The following SGCZ variants were observed in gnomAD, a reference collection of about 807,000 sequenced individuals.
The protein encoded by SGCZ is sarcoglycan zeta.
SGCZ carries 40 observed loss-of-function variants against 41.3 expected under a neutral mutation model. The ratio of observed to expected loss-of-function variants is 0.97; its 90% CI spans 0.75 to 1.26. The LOEUF is 1.26. SGCZ is among the 50% of genes most tolerant of loss of function. The probability of loss-of-function intolerance (pLI) is 0.00; values close to 1 mark genes in which losing one functional copy is unlikely to be tolerated. For missense variants in SGCZ, 552 were observed against 369.8 expected (o/e 1.49, Z -4.04); for synonymous variants, 206 against 137.5 (o/e 1.50, Z -3.49).
intron 1 of SGCZ, among the ~76,000 whole-genome samples, chr8:14,885,351 T>C (rs961807730): frequency 2.0e-5 from 3 of 152,198 alleles, no homozygotes; most frequent in Admixed American, 6.5e-5. Context: ...ATTATCTACC[T>C]ATTTGTTATG....
At chr8:15,080,798 T>C (rs1263289481) in intron 1 of SGCZ, among the ~76,000 whole-genome samples, 2 of 152,110 alleles carry the variant, frequency 1.3e-5, no homozygotes, top group Non-Finnish European at 2.9e-5. Context: ...TTCACCATGT[T>C]GGCCAGGCTG....
At chr8:15,118,245 T>G (rs1159134297) in intron 1 of SGCZ, among the ~76,000 whole-genome samples, 3 of 152,228 alleles carry the variant, frequency 2.0e-5, no homozygotes, top group African/African-American at 7.2e-5. Flanking sequence ...CTTGGAGATT[T>G]CCTATATTTC....
intron 1 of SGCZ, among the ~76,000 whole-genome samples, chr8:14,918,592 G>A (rs559294931): frequency 6.6e-5 from 10 of 152,258 alleles, no homozygotes; most frequent in African/African-American, 2.2e-4. Flanking sequence ...GCCAATCAAT[G>A]AGAGTAATTC....
chr8:14,332,324 C>A (rs2117054121), intron 2 of SGCZ, among the ~76,000 whole-genome samples: 1 of 151,980 alleles, frequency 6.6e-6, no homozygotes, highest in African/African-American at 2.4e-5. Context: ...GCCTGTAGTC[C>A]CAGCTACTCA....
intron 2 of SGCZ, among the ~76,000 whole-genome samples, chr8:14,372,046 A>C (rs1380510333): frequency 6.6e-6 from 1 of 152,108 alleles, no homozygotes; most frequent in Non-Finnish European, 1.5e-5. Flanking sequence ...ATCAATATGG[A>C]CTAGAATAAA....
chr8:14,381,252 T>C (rs1286074572), intron 2 of SGCZ, among the ~76,000 whole-genome samples: 1 of 152,222 alleles, frequency 6.6e-6, no homozygotes, highest in East Asian at 1.9e-4. Context: ...CAAAGACATA[T>C]ATAATTCAAT....
chr8:14,330,133 T>C (rs200746270), intron 2 of SGCZ, among the ~76,000 whole-genome samples: 1 of 152,192 alleles, frequency 6.6e-6, no homozygotes, highest in Non-Finnish European at 1.5e-5. Flanking sequence ...GTATTTCTTA[T>C]AAAATGTATC....
intron 3 of SGCZ, among the ~76,000 whole-genome samples, chr8:14,283,510 T>C (rs142803279): frequency 1.8e-3 from 268 of 152,366 alleles, no homozygotes; most frequent in African/African-American, 6.1e-3. Context: ...TCTTTTCATA[T>C]ATATATAAAT....
At chr8:15,009,076 A>G (rs1802726807) in intron 1 of SGCZ, among the ~76,000 whole-genome samples, 1 of 152,166 alleles carries the variant, frequency 6.6e-6, no homozygotes, top group Admixed American at 6.5e-5. Context: ...ATTTATCTGA[A>G]TCACAGTATA....
intron 1 of SGCZ, among the ~76,000 whole-genome samples, chr8:14,919,256 T>C (rs1212828039): frequency 6.6e-6 from 1 of 151,864 alleles, no homozygotes; most frequent in African/African-American, 2.4e-5. Flanking sequence ...CTGGGTAACA[T>C]GGTGAAATCC....
chr8:14,349,993 T>C (rs1179373488), intron 2 of SGCZ, among the ~76,000 whole-genome samples: 1 of 152,150 alleles, frequency 6.6e-6, no homozygotes. Context: ...AATTAAATCC[T>C]TTATGGCATA....
chr8:14,271,418 C>T (rs1800054593), intron 3 of SGCZ, among the ~76,000 whole-genome samples: 1 of 152,088 alleles, frequency 6.6e-6, no homozygotes, highest in South Asian at 2.1e-4. Flanking sequence ...TCCATGAAGA[C>T]TTGTAGATAG....
intron 1 of SGCZ, among the ~76,000 whole-genome samples, chr8:14,895,010 G>T (rs1805141796): frequency 6.6e-6 from 1 of 152,088 alleles, no homozygotes; most frequent in South Asian, 2.1e-4. Context: ...AAGTTTGGGG[G>T]TCCAGGGTAA....
chr8:15,215,741 C>T (rs937260492), intron 1 of SGCZ, among the ~76,000 whole-genome samples: 2 of 152,148 alleles, frequency 1.3e-5, no homozygotes, highest in African/African-American at 4.8e-5. Flanking sequence ...TTAAAGAGCT[C>T]TGGAATAGTA....
chr8:14,494,834 C>A (rs1801945074), intron 2 of SGCZ, among the ~76,000 whole-genome samples: 1 of 152,048 alleles, frequency 6.6e-6, no homozygotes, highest in Non-Finnish European at 1.5e-5. Context: ...TAGACATAAA[C>A]CTTACTATTT....
chr8:14,253,283 G>A (rs1331032493), intron 3 of SGCZ, among the ~76,000 whole-genome samples: 1 of 147,004 alleles, frequency 6.8e-6, no homozygotes, highest in Non-Finnish European at 1.5e-5. Flanking sequence ...TATCAGTCAG[G>A]AAGAAGTGTT....
intron 1 of SGCZ, among the ~76,000 whole-genome samples, chr8:15,021,975 T>C (rs1803267488): frequency 6.6e-6 from 1 of 152,202 alleles, no homozygotes. Context: ...GGAAATAACA[T>C]AAATAGAAAC....
At chr8:14,712,423 C>T (rs1030543460) in intron 1 of SGCZ, among the ~76,000 whole-genome samples, 8 of 152,118 alleles carry the variant, frequency 5.3e-5, no homozygotes, top group Non-Finnish European at 1.2e-4. Context: ...TAGTTCATTC[C>T]CAAGATGTTT....
chr8:14,631,730 T>A (rs563963783), intron 1 of SGCZ, among the ~76,000 whole-genome samples: 7 of 152,208 alleles, frequency 4.6e-5, no homozygotes, highest in African/African-American at 1.4e-4. Flanking sequence ...ATTAGTATTA[T>A]CTCATATAAA....
Sources: gnomAD v4.1 joint callset for allele counts (sites outside exome capture counted in the v4.1 genomes callset) on GRCh38, gnomAD v4.1.1 for gene constraint, MANE v1.5 for transcripts, NCBI Gene and HGNC (gene_info 2026-07-23, HGNC 2026-07-21) for gene names.